BANK1: variants seen among roughly 807,000 people sequenced by gnomAD.
BANK1 encodes the protein B cell scaffold protein with ankyrin repeats 1.
In BANK1, 95 loss-of-function variants were observed where a neutral mutation model predicts 94.5. The ratio of observed to expected loss-of-function variants is 1.00; its 90% confidence interval spans 0.85 to 1.19. BANK1 has a LOEUF of 1.19. BANK1 is among the 50% of genes most tolerant of loss of function. The pLI is 0.00. For missense variants in BANK1, 987 were observed against 932.2 expected (o/e 1.06, Z -0.77); for synonymous variants, 334 against 308.4 (o/e 1.08, Z -0.87).
At chr4:101,796,184 G>A (rs1047140229) in intron 1 of BANK1, among the ~76,000 whole-genome samples, 2 of 152,140 alleles carry the variant, frequency 1.3e-5, no homozygotes, top group Admixed American at 6.5e-5. Flanking sequence ...GAGACCGAAA[G>A]ACAAAGAGAG....
intron 3 of BANK1, among the ~76,000 whole-genome samples, chr4:101,860,862 G>A (rs1485364322): frequency 6.6e-6 from 1 of 152,168 alleles, no homozygotes; most frequent in Non-Finnish European, 1.5e-5. Context: ...AAGGAATGAT[G>A]CACACACAGG....
At position 102,025,323 on chromosome 4, in the gene BANK1, C is replaced by T. The variant is rs1241132838; in HGVS notation, c.1408C>T (p.His470Tyr). ...KQNGSGMETKHSPLEVGSESS... is the reference protein window; with the variant it reads ...KQNGSGMETKYSPLEVGSESS... ...GAATGGATCAGGCATGGAGACCAAA[C>T]ACAGCCCACTAGAGGTTGGCAGTGA... is the stretch of plus-strand genomic sequence containing the variant. The change falls in exon 9 of 17, where the codon CAC becomes TAC. Residue 470 changes from histidine to tyrosine, a missense_variant. Physicochemically the swap from His to Tyr is moderately conservative, Grantham distance 83 (BLOSUM62 2). Transcript: ENST00000322953. The T allele has an allele frequency of 9.9e-6, 16 of 1,613,976 alleles. No individual in the cohort carries two copies. The highest frequency in any genetic ancestry group is 1.3e-5 in the Non-Finnish European group (15 of 1,180,018).
chr4:101,853,065 GAA>G (rs756437631), intron 2 of BANK1, among the ~76,000 whole-genome samples: 38 of 152,138 alleles, frequency 2.5e-4, no homozygotes, highest in South Asian at 1.2e-3. Flanking sequence ...AAGCCAGGAG[GAA>G]GAGAGAGAGA....
intron 7 of BANK1, among the ~76,000 whole-genome samples, chr4:101,984,025 A>G (rs1230173411): frequency 6.6e-6 from 1 of 152,004 alleles, no homozygotes; most frequent in Non-Finnish European, 1.5e-5. Flanking sequence ...AAGAGAGGGG[A>G]ATGTATAACT....
intron 6 of BANK1, among the ~76,000 whole-genome samples, chr4:101,899,373 T>G (rs762655971): frequency 1.3e-4 from 20 of 152,118 alleles, no homozygotes; most frequent in Non-Finnish European, 2.4e-4. Flanking sequence ...AATTATAGAT[T>G]TTTCCACTCC....
At chr4:101,831,885 G>T (rs1377926810) in intron 2 of BANK1, among the ~76,000 whole-genome samples, 1 of 152,156 alleles carries the variant, frequency 6.6e-6, no homozygotes, top group Non-Finnish European at 1.5e-5. Flanking sequence ...GGAGGTTCTG[G>T]AGCAGGATTT....
At chr4:101,918,668 T>G (rs187210507) in intron 7 of BANK1, among the ~76,000 whole-genome samples, 1 of 152,110 alleles carries the variant, frequency 6.6e-6, no homozygotes, top group African/African-American at 2.4e-5. Flanking sequence ...AGAAAGTGAA[T>G]TATACTCTGA....
chr4:101,936,576 A>ATG (rs1480192190), intron 7 of BANK1, among the ~76,000 whole-genome samples: 1 of 150,718 alleles, frequency 6.6e-6, no homozygotes, highest in South Asian at 2.1e-4. Context: ...GTATACGTGT[A>ATG]TGTGTGTGTA....
chr4:101,986,952 A>G (rs1403566599), intron 7 of BANK1, among the ~76,000 whole-genome samples: 5 of 121,086 alleles, frequency 4.1e-5, no homozygotes, highest in African/African-American at 1.4e-4. Context: ...CAGTAAATAT[A>G]TTTTTTAAGT....
chr4:101,811,501 C>A (rs1225521171), intron 1 of BANK1, among the ~76,000 whole-genome samples: 1 of 151,902 alleles, frequency 6.6e-6, no homozygotes. Flanking sequence ...TATACTGCAG[C>A]CCTCCACTCA....
Position 101,960,833 on chromosome 4 carries a change from GC to G in BANK1, c.1206+42645del, listed in dbSNP as rs1435890410. ...AGGAGCAAAGACTGAGAGTAAAGCA[GC>G]AGGATTTTTAGCTCCGCCTCTTCTA... is the stretch of plus-strand genomic sequence containing the variant. On this transcript the variant is annotated intron_variant, in intron 7 of 16. Transcript: ENST00000322953. Among the ~76,000 whole-genome samples, 11 of 152,266 alleles carry G rather than the reference GC, an allele frequency of 7.2e-5. No individual in the cohort carries two copies. The South Asian group carries it at 2.1e-3, about 29-fold the overall frequency.
At chr4:101,920,593 T>G (rs940838898) in intron 7 of BANK1, among the ~76,000 whole-genome samples, 28 of 152,070 alleles carry the variant, frequency 1.8e-4, no homozygotes, top group African/African-American at 6.3e-4. Context: ...CAGAATAGTT[T>G]AAAGGAGCAG....
chr4:102,021,545 A>G lies in BANK1; in HGVS notation c.1238A>G (p.Glu413Gly). Residue 413 changes from glutamate to glycine, a missense_variant, in exon 8 of 17, where the codon GAA becomes GGA. Coordinates refer to ENST00000322953, the MANE Select transcript of BANK1 (RefSeq NM_017935.5). ...GAAATTGACATAAATAATGAGCAAG[A>G]AAATGATTATGAAGAGGATATTGCC... The part of the protein sequence containing the change: ...IQEIDINNEQ[E>G]NDYEEDIASF... The G allele has an allele frequency of 2.7e-6, 4 of 1,470,688 alleles. No individual in the cohort carries two copies. Among genetic ancestry groups the G allele is most frequent in the Non-Finnish European group, 3.7e-6 (4 of 1,091,382 alleles). The allele number at this position is 1,470,688 out of a possible 1,614,324, so 91.1% of individuals were successfully genotyped here. A position where few individuals can be genotyped will look rare whatever the true frequency, so the allele number is the denominator to read the frequency against.
chr4:102,059,694 C>T (rs1229290371), intron 11 of BANK1, among the ~76,000 whole-genome samples: 2 of 152,084 alleles, frequency 1.3e-5, no homozygotes, highest in African/African-American at 2.4e-5. Flanking sequence ...TACAAAATGA[C>T]CAATTATTTA....
chr4:101,852,717 T>C (rs2148873185), intron 2 of BANK1, among the ~76,000 whole-genome samples: 1 of 152,024 alleles, frequency 6.6e-6, no homozygotes, highest in South Asian at 2.1e-4. Flanking sequence ...TTACAACTTT[T>C]ATCGCATAAG....
At chr4:101,888,569 G>C (rs1199625311) in intron 5 of BANK1, among the ~76,000 whole-genome samples, 1 of 152,156 alleles carries the variant, frequency 6.6e-6, no homozygotes, top group East Asian at 1.9e-4. Context: ...AATTTACTGT[G>C]TTTAGAATGT....
At chr4:101,980,040 G>T (rs1413308416) in intron 7 of BANK1, among the ~76,000 whole-genome samples, 1 of 151,728 alleles carries the variant, frequency 6.6e-6, no homozygotes, top group East Asian at 1.9e-4. Flanking sequence ...AAATTCTCTA[G>T]ATTTTGGGGA....
intron 13 of BANK1, among the ~76,000 whole-genome samples, chr4:102,065,009 T>A (rs1728544674): frequency 6.6e-6 from 1 of 152,138 alleles, no homozygotes; most frequent in South Asian, 2.1e-4. Flanking sequence ...AGAGATGAGC[T>A]GTACATGTGT....
chr4:101,918,189 A>G lies in BANK1; in HGVS notation c.1206A>G (p.Ser402=). ...TCAAGAAAATCTTCGAAGACTTTTC[A>G]GTAAGTTTTTTTTTTAAATTATATC... The part of the protein sequence containing the change: ...KELKKIFEDF[S]IQEIDINNEQ... Residue 402 remains serine (S), a splice_region_variant and synonymous_variant, in exon 7 of 17, where the codon TCA becomes TCG. Coordinates refer to ENST00000322953, the MANE Select transcript of BANK1 (RefSeq NM_017935.5). 6.4e-7 allele frequency: 1 copy of G among 1,558,954 alleles called. No individual in the cohort carries two copies. Among genetic ancestry groups the G allele is most frequent in the Admixed American group, 1.9e-5 (1 of 53,996 alleles).
Sources: gnomAD v4.1 joint callset for allele counts (sites outside exome capture counted in the v4.1 genomes callset) on GRCh38, gnomAD v4.1.1 for gene constraint, MANE v1.5 for transcripts, NCBI Gene and HGNC (gene_info 2026-07-23, HGNC 2026-07-21) for gene names.